POC5: variants seen among roughly 807,000 people sequenced by gnomAD.
POC5 encodes the protein POC5 centriolar protein.
Under a neutral mutation model 62.9 loss-of-function variants are expected in POC5, and 48 were observed. The ratio of observed to expected loss-of-function variants is 0.76; its 90% CI spans 0.61 to 0.97. The LOEUF (loss-of-function observed/expected upper bound fraction) is 0.97. Among genes scored for constraint, POC5 ranks in the 50% least tolerant of loss-of-function variants. The pLI, the probability that POC5 is intolerant of heterozygous loss-of-function variation, is 0.00. For synonymous variants in POC5, 236 were observed against 228.2 expected (o/e 1.03, Z -0.31); for missense variants, 696 against 679.5 (o/e 1.02, Z -0.27).
chr5:75,676,359 T>C (rs1561458347), intron 11 of POC5, among the ~76,000 whole-genome samples: 1 of 152,352 alleles, frequency 6.6e-6, no homozygotes, highest in Non-Finnish European at 1.5e-5. Flanking sequence ...TTTCAGAGTC[T>C]GTCCAACTTA....
intron 10 of POC5, among the ~76,000 whole-genome samples, chr5:75,681,338 AT>A (rs1775861171): frequency 1.3e-5 from 2 of 152,262 alleles, no homozygotes; most frequent in South Asian, 4.1e-4. Flanking sequence ...GAAGAGGAAA[AT>A]TAGAAGAGAA....
chr5:75,693,668 G>C (rs761037235), intron 6 of POC5, among the ~76,000 whole-genome samples: 107 of 152,132 alleles, frequency 7.0e-4, no homozygotes, highest in Non-Finnish European at 1.3e-3. Flanking sequence ...CGAAATCAAG[G>C]TATGTTTAAA....
Position 75,674,371 on chromosome 5 carries a change from A to C in POC5, c.*64T>G. ...CTAACAATATGGAAAAGTTAAAACC[A>C]AAAGACTTCTAACCCTTGGTAAGAC... On this transcript the variant is annotated 3_prime_UTR_variant, in exon 12 of 12. Transcript: ENST00000428202. The C allele has an allele frequency of 6.6e-7, 1 of 1,521,220 alleles. No homozygotes were observed. The highest frequency in any genetic ancestry group is 1.3e-5 in the South Asian group (1 of 79,632). The allele number at this position is 1,521,220 out of a possible 1,614,324, so 94.2% of individuals were successfully genotyped here. A position where few individuals can be genotyped will look rare whatever the true frequency, so the allele number is the denominator to read the frequency against.
At chr5:75,692,115 G>T (rs1037729679) in intron 7 of POC5, among the ~76,000 whole-genome samples, 1 of 151,896 alleles carries the variant, frequency 6.6e-6, no homozygotes, top group South Asian at 2.1e-4. Flanking sequence ...CATCTGAGGG[G>T]GTTCTATTAC....
chr5:75,712,631 T>C (rs1246143339), intron 2 of POC5: 2 of 741,538 alleles, frequency 2.7e-6, no homozygotes, highest in Non-Finnish European at 2.3e-6. Context: ...GTTGAAGCCT[T>C]TGTACAGAGT....
In POC5 at chr5:75,697,563, C is replaced by T. The variant is rs540600547; in HGVS notation, c.514-2732G>A. ...AAGAGCTCCTGAAGGAAGTGCTAAA[C>T]ATGGAAAGGAACAACCGGTAACACC... On this transcript the variant is annotated intron_variant, in intron 5 of 11. Coordinates refer to ENST00000428202, the MANE Select transcript of POC5 (RefSeq NM_001099271.2). Among the ~76,000 whole-genome samples the T allele has an allele frequency of 1.0e-3, 155 of 152,202 alleles. 1 individual carries two copies. Among genetic ancestry groups the T allele is most frequent in the African/African-American group, 3.5e-3 (147 of 41,516 alleles).
At chr5:75,688,112 T>G (rs1397309503) in intron 9 of POC5, among the ~76,000 whole-genome samples, 1 of 152,182 alleles carries the variant, frequency 6.6e-6, no homozygotes, top group Admixed American at 6.5e-5. Context: ...ATAATAAATG[T>G]TTGTTGATGT....
rs559065259 is a variant in POC5 at position 75,712,291 on chromosome 5, C to T, written c.84+563G>A. 1.4e-4 allele frequency: 199 copies of T among 1,393,766 alleles called. 3 individuals carry two copies. The South Asian group carries it at 2.3e-3, about 16-fold the overall frequency. 86.3% of individuals were successfully genotyped at this position (1,393,766 alleles called of 1,614,324 possible). A position where few individuals can be genotyped will look rare whatever the true frequency, so the allele number is the denominator to read the frequency against. ...TAAAATCTACTCCAGAAATCTAAAT[C>T]CATATTTTTGATGATGAAATATTTA... is the stretch of plus-strand genomic sequence containing the variant. On this transcript the variant is annotated intron_variant, in intron 2 of 11. Coordinates refer to ENST00000428202, the MANE Select transcript of POC5 (RefSeq NM_001099271.2).
chr5:75,699,900 C>T (rs1580044000), intron 5 of POC5, among the ~76,000 whole-genome samples: 1 of 151,580 alleles, frequency 6.6e-6, no homozygotes, highest in East Asian at 1.9e-4. Flanking sequence ...GTACAAAAAT[C>T]ACAAGCATTC....
At chr5:75,687,880 A>G (rs1054082207) in intron 9 of POC5, among the ~76,000 whole-genome samples, 1 of 152,210 alleles carries the variant, frequency 6.6e-6, no homozygotes, top group African/African-American at 2.4e-5. Context: ...AGACTATTCT[A>G]TCATTGAAGG....
intron 2 of POC5, among the ~76,000 whole-genome samples, chr5:75,710,886 A>C (rs1777316199): frequency 6.6e-6 from 1 of 152,182 alleles, no homozygotes; most frequent in South Asian, 2.1e-4. Flanking sequence ...AGTGGAAGTC[A>C]GTGGCTTTCA....
intron 1 of POC5, among the ~76,000 whole-genome samples, chr5:75,715,761 C>T (rs1742495424): frequency 6.6e-6 from 1 of 152,066 alleles, no homozygotes; most frequent in African/African-American, 2.4e-5. Context: ...GGACCATAGC[C>T]CTAATAGAGT....
At chr5:75,702,958 T>C in intron 4 of POC5, 148 bp from the exon 5 acceptor site, 1 of 639,158 alleles carries the variant, frequency 1.6e-6, no homozygotes, top group East Asian at 2.7e-5. Context: ...TACCTTAATC[T>C]ATTTTTAATT....
chr5:75,700,726 A>C (rs867383578), intron 5 of POC5, among the ~76,000 whole-genome samples: 7,121 of 140,690 alleles, frequency 0.051, 720 homozygotes, highest in African/African-American at 0.17. Flanking sequence ...AATGGGATCT[A>C]ATTAAACTAA....
chr5:75,712,689 G>A, intron 2 of POC5, 165 bp downstream of exon 2: 1 of 726,570 alleles, frequency 1.4e-6, no homozygotes, highest in Non-Finnish European at 2.3e-6. Flanking sequence ...ACAATGTAAA[G>A]TCACTCCTAA....
chr5:75,700,519 T>G (rs1291907118), intron 5 of POC5, among the ~76,000 whole-genome samples: 1 of 150,730 alleles, frequency 6.6e-6, no homozygotes, highest in East Asian at 1.9e-4. Flanking sequence ...TAGCCATATG[T>G]AGAAAGCTGA....
intron 3 of POC5, 124 bp downstream of exon 3, chr5:75,707,613 C>A: frequency 1.3e-6 from 1 of 752,962 alleles, no homozygotes; most frequent in Non-Finnish European, 2.1e-6. Flanking sequence ...CTAGATGATA[C>A]TAATACACAT....
intron 3 of POC5, 159 bp downstream of exon 3, chr5:75,707,578 A>C: frequency 1.9e-6 from 1 of 539,108 alleles, no homozygotes; most frequent in Non-Finnish European, 3.2e-6. Flanking sequence ...GTCAGGAATA[A>C]TATATTAAAA....
chr5:75,688,340 G>T (rs1776181548), intron 9 of POC5, among the ~76,000 whole-genome samples: 1 of 152,114 alleles, frequency 6.6e-6, no homozygotes, highest in Non-Finnish European at 1.5e-5. Flanking sequence ...GGTAAGGAAG[G>T]TTTATATTAT....
Sources: gnomAD v4.1 joint callset for allele counts (sites outside exome capture counted in the v4.1 genomes callset) on GRCh38, gnomAD v4.1.1 for gene constraint, MANE v1.5 for transcripts, NCBI Gene and HGNC (gene_info 2026-07-23, HGNC 2026-07-21) for gene names.